The following WHRN variants were observed in gnomAD, a reference collection of about 807,000 sequenced individuals.
The protein encoded by WHRN is whirlin.
Under a neutral mutation model 68.3 loss-of-function variants are expected in WHRN, and 41 were observed. The observed-to-expected ratio is 0.60, with a 90% CI of 0.47 to 0.78. WHRN has a LOEUF of 0.78. WHRN is among the 30% of genes least tolerant of loss of function. The probability of loss-of-function intolerance (pLI) is 0.00; values close to 1 mark genes in which losing one functional copy is unlikely to be tolerated. For synonymous variants in WHRN, 560 were observed against 561.3 expected (o/e 1.00, Z 0.03); for missense variants, 1,243 against 1,244.7 (o/e 1.00, Z 0.02).
intron 1 of WHRN, among the ~76,000 whole-genome samples, chr9:114,482,763 T>G (rs1344258178): frequency 6.6e-6 from 1 of 151,792 alleles, no homozygotes; most frequent in Non-Finnish European, 1.5e-5. Context: ...AACAGTAGAA[T>G]CCTCTTGGTC....
chr9:114,464,813 CATAATGATG>C (rs1200382721), intron 3 of WHRN, among the ~76,000 whole-genome samples: 29 of 120,880 alleles, frequency 2.4e-4, no homozygotes, highest in South Asian at 6.3e-4. Flanking sequence ...TGATTATGTC[CATAATGATG>C]ATGATGATGA....
intron 7 of WHRN, 115 bp from the exon 8 acceptor site, chr9:114,408,133 T>A (rs1835173620): frequency 1.2e-6 from 1 of 835,796 alleles, no homozygotes; most frequent in East Asian, 2.7e-5. Context: ...GTGGTTCATG[T>A]GAGCCCTGAC....
intron 7 of WHRN, among the ~76,000 whole-genome samples, chr9:114,415,247 G>A (rs1835729961): frequency 6.6e-6 from 1 of 151,150 alleles, no homozygotes; most frequent in South Asian, 2.1e-4. Context: ...GCTGTAGTGA[G>A]CTACCCCAAC....
intron 3 of WHRN, among the ~76,000 whole-genome samples, chr9:114,427,668 C>A (rs1207896302): frequency 1.3e-5 from 2 of 152,168 alleles, no homozygotes; most frequent in Non-Finnish European, 2.9e-5. Context: ...GAACCAAAAC[C>A]CTGCTCCCCA....
intron 7 of WHRN, among the ~76,000 whole-genome samples, chr9:114,414,402 A>G (rs942756634): frequency 1.3e-5 from 2 of 152,222 alleles, no homozygotes; most frequent in Non-Finnish European, 2.9e-5. Context: ...TATTTTAAAC[A>G]TTTAAAGCTT....
At chr9:114,487,829 G>C (rs1005964557) in intron 1 of WHRN, among the ~76,000 whole-genome samples, 1 of 152,172 alleles carries the variant, frequency 6.6e-6, no homozygotes, top group African/African-American at 2.4e-5. Context: ...CTGACAATGT[G>C]GACAGGGCTG....
At chr9:114,409,929 A>G (rs190153574) in intron 7 of WHRN, among the ~76,000 whole-genome samples, 2 of 152,152 alleles carry the variant, frequency 1.3e-5, no homozygotes, top group East Asian at 3.9e-4. Flanking sequence ...TCTGCAGCTC[A>G]GGACCCCCAA....
At chr9:114,484,511 T>C (rs940524690) in intron 1 of WHRN, among the ~76,000 whole-genome samples, 3 of 152,238 alleles carry the variant, frequency 2.0e-5, no homozygotes, top group Non-Finnish European at 4.4e-5. Context: ...CACTGAGGAA[T>C]TCAATGAGCT....
chr9:114,426,895 T>A (rs1206526259), intron 3 of WHRN, among the ~76,000 whole-genome samples: 1 of 152,240 alleles, frequency 6.6e-6, no homozygotes, highest in Non-Finnish European at 1.5e-5. Context: ...CAGCAATAAA[T>A]GAGAAAATTA....
chr9:114,405,621 C>T (rs560074727), intron 9 of WHRN, among the ~76,000 whole-genome samples: 19 of 152,346 alleles, frequency 1.2e-4, no homozygotes, highest in African/African-American at 4.3e-4. Flanking sequence ...CTTCTCACCA[C>T]GTCTGCCTGC....
At chr9:114,416,725 G>A (rs886607382) in intron 7 of WHRN, among the ~76,000 whole-genome samples, 4 of 152,136 alleles carry the variant, frequency 2.6e-5, no homozygotes, top group Non-Finnish European at 4.4e-5. Context: ...GTGTGAGAAC[G>A]GATTAATACA....
chr9:114,415,004 T>A (rs1409810408), intron 7 of WHRN, among the ~76,000 whole-genome samples: 1 of 152,122 alleles, frequency 6.6e-6, no homozygotes, highest in African/African-American at 2.4e-5. Flanking sequence ...GCTTAAAAAA[T>A]GTAAACAGAG....
chr9:114,457,394 A>G (rs1839894870), intron 3 of WHRN, among the ~76,000 whole-genome samples: 1 of 152,192 alleles, frequency 6.6e-6, no homozygotes, highest in Non-Finnish European at 1.5e-5. Context: ...TCCTATAGGC[A>G]AAGGAGAATA....
intron 5 of WHRN, 152 bp from the exon 6 acceptor site, chr9:114,424,698 C>T: frequency 1.1e-6 from 1 of 942,392 alleles, no homozygotes; most frequent in Admixed American, 2.3e-5. Context: ...CTTGATAGTA[C>T]TATCTTTCTT....
Position 114,504,812 on chromosome 9 carries a change from A to C in WHRN, c.-11T>G. ...CAGCGGCGCGTTCATCTCCACGCCG[A>C]GGCCCGGCCGGGCTCTGAGCGCGCG... On this transcript the variant is annotated 5_prime_UTR_variant, in exon 1 of 12. Transcript: ENST00000362057. 1 of 1,405,288 alleles carries C rather than the reference A, an allele frequency of 7.1e-7. No individual in the cohort carries two copies. Among genetic ancestry groups the C allele is most frequent in the Admixed American group, 3.5e-5 (1 of 28,280 alleles). 87.1% of individuals were successfully genotyped at this position (1,405,288 alleles called of 1,614,324 possible).
intron 1 of WHRN, among the ~76,000 whole-genome samples, chr9:114,490,600 A>C (rs1198914656): frequency 6.6e-6 from 1 of 152,190 alleles, no homozygotes; most frequent in Non-Finnish European, 1.5e-5. Context: ...CTGAGGGTTC[A>C]ATGTAAGGAT....
intron 4 of WHRN, 26 bp from the exon 5 acceptor site, chr9:114,425,050 G>C (rs371282049): frequency 3.3e-4 from 533 of 1,613,766 alleles, no homozygotes; most frequent in Non-Finnish European, 4.3e-4. Context: ...CACATCTCCA[G>C]TTGTGCATTT....
At chr9:114,448,633 T>C (rs985766656) in intron 3 of WHRN, among the ~76,000 whole-genome samples, 3 of 152,102 alleles carry the variant, frequency 2.0e-5, no homozygotes, top group African/African-American at 7.2e-5. Flanking sequence ...ACCTATCCCC[T>C]GGAAAGCCCC....
intron 2 of WHRN, among the ~76,000 whole-genome samples, chr9:114,467,586 C>T (rs991036082): frequency 1.3e-5 from 2 of 152,074 alleles, no homozygotes; most frequent in East Asian, 3.9e-4. Flanking sequence ...GAGCAAGTCC[C>T]GCCCGGGAGG....
Sources: gnomAD v4.1 joint callset for allele counts (sites outside exome capture counted in the v4.1 genomes callset) on GRCh38, gnomAD v4.1.1 for gene constraint, MANE v1.5 for transcripts, NCBI Gene and HGNC (gene_info 2026-07-23, HGNC 2026-07-21) for gene names.